The following EXT1 variants were observed in gnomAD, a reference collection of about 807,000 sequenced individuals.
EXT1 encodes exostosin-1.
Under a neutral mutation model 82.5 loss-of-function variants are expected in EXT1, and 20 were observed. The observed-to-expected ratio is 0.24, with a 90% confidence interval of 0.17 to 0.35. The LOEUF (loss-of-function observed/expected upper bound fraction) is 0.35, where lower values mean the gene tolerates loss of function less well. Among genes scored for constraint, EXT1 ranks in the 10% least tolerant of loss-of-function variants. EXT1 has a pLI of 1.00. For synonymous variants in EXT1, 348 were observed against 350.8 expected (o/e 0.99, Z 0.09); for missense variants, 757 against 936.5 (o/e 0.81, Z 2.50).
intron 1 of EXT1, among the ~76,000 whole-genome samples, chr8:117,926,610 G>A (rs747068806): frequency 3.3e-5 from 5 of 152,262 alleles, no homozygotes; most frequent in Middle Eastern, 3.4e-3. Context: ...GCATTCGCTC[G>A]TAAGGGCAAT....
intron 7 of EXT1, among the ~76,000 whole-genome samples, chr8:117,814,011 C>CA (rs982831373): frequency 4.1e-5 from 5 of 122,704 alleles, no homozygotes; most frequent in East Asian, 2.3e-4. Context: ...GTCTCAAAAA[C>CA]AAAAAAAGAG....
chr8:117,888,150 T>C (rs1786665996), intron 1 of EXT1, among the ~76,000 whole-genome samples: 1 of 151,570 alleles, frequency 6.6e-6, no homozygotes, highest in Admixed American at 6.6e-5. Context: ...CTCAGACCAC[T>C]AATTTTTAAG....
At chr8:117,841,067 C>A (rs1812267425) in intron 1 of EXT1, among the ~76,000 whole-genome samples, 1 of 152,198 alleles carries the variant, frequency 6.6e-6, no homozygotes, top group South Asian at 2.1e-4. Flanking sequence ...CACTCTTGGG[C>A]ATGTATCCCA....
chr8:117,977,975 T>TCAAAGAAAAGAATTCCTGAC, intron 1 of EXT1, among the ~76,000 whole-genome samples: 1 of 152,346 alleles, frequency 6.6e-6, no homozygotes, highest in East Asian at 1.9e-4. Context: ...AGGTTTCATT[T>TCAAAGAAAAGAATTCCTGAC]CAAAGAAAAG....
At chr8:118,014,701 A>T (rs1410673902) in intron 1 of EXT1, among the ~76,000 whole-genome samples, 1 of 152,100 alleles carries the variant, frequency 6.6e-6, no homozygotes, top group East Asian at 1.9e-4. Flanking sequence ...CAGCCCCGAA[A>T]GTGCTGGGAT....
chr8:117,894,998 T>C (rs540279498), intron 1 of EXT1, among the ~76,000 whole-genome samples: 1 of 152,338 alleles, frequency 6.6e-6, no homozygotes, highest in African/African-American at 2.4e-5. Flanking sequence ...AAGCATCAAC[T>C]GGCAAATACA....
chr8:117,846,038 A>G (rs1332992660), intron 1 of EXT1, among the ~76,000 whole-genome samples: 3 of 152,330 alleles, frequency 2.0e-5, no homozygotes, highest in Admixed American at 6.5e-5. Context: ...GACATTTAAT[A>G]CATCGTGCCC....
At chr8:118,028,903 CA>C (rs1257800949) in intron 1 of EXT1, among the ~76,000 whole-genome samples, 2 of 151,924 alleles carry the variant, frequency 1.3e-5, no homozygotes, top group African/African-American at 2.4e-5. Context: ...GCCTGAGCAA[CA>C]AGAGCGAAAT....
chr8:117,849,122 C>T (rs1009164781), intron 1 of EXT1, among the ~76,000 whole-genome samples: 3 of 152,174 alleles, frequency 2.0e-5, no homozygotes, highest in Non-Finnish European at 4.4e-5. Flanking sequence ...AATTCTTCTC[C>T]AGGATGTCTC....
intron 1 of EXT1, among the ~76,000 whole-genome samples, chr8:117,991,655 G>A (rs141560308): frequency 0.027 from 4,138 of 152,098 alleles, 200 homozygotes; most frequent in African/African-American, 0.09. Flanking sequence ...TCCACCTCCC[G>A]GGCTCAAGTG....
At chr8:117,994,700 A>G (rs1221908479) in intron 1 of EXT1, among the ~76,000 whole-genome samples, 1 of 152,186 alleles carries the variant, frequency 6.6e-6, no homozygotes, top group African/African-American at 2.4e-5. Context: ...TGGGGCAACA[A>G]GCTGTTTTAG....
At chr8:117,966,641 T>G (rs1814817310) in intron 1 of EXT1, among the ~76,000 whole-genome samples, 1 of 152,176 alleles carries the variant, frequency 6.6e-6, no homozygotes, top group Non-Finnish European at 1.5e-5. Flanking sequence ...TTTATTCTGT[T>G]CTGCATTTCA....
At chr8:117,805,695 T>C (rs761322551) in intron 9 of EXT1, among the ~76,000 whole-genome samples, 8 of 152,194 alleles carry the variant, frequency 5.3e-5, no homozygotes, top group Non-Finnish European at 8.8e-5. Context: ...ATCCCTGAGA[T>C]AGCAAAATTC....
At chr8:117,911,173 T>C (rs1813640665) in intron 1 of EXT1, among the ~76,000 whole-genome samples, 1 of 152,188 alleles carries the variant, frequency 6.6e-6, no homozygotes, top group East Asian at 1.9e-4. Context: ...GCAAGTTCTT[T>C]AGTGTTATTA....
intron 1 of EXT1, among the ~76,000 whole-genome samples, chr8:118,053,480 T>C (rs766597206): frequency 3.9e-5 from 6 of 152,190 alleles, no homozygotes; most frequent in Non-Finnish European, 8.8e-5. Flanking sequence ...ACAAAGTACA[T>C]TTTCCACATT....
At chr8:118,076,022 A>T (rs1817202364) in intron 1 of EXT1, among the ~76,000 whole-genome samples, 2 of 152,246 alleles carry the variant, frequency 1.3e-5, no homozygotes, top group Non-Finnish European at 2.9e-5. Flanking sequence ...ATACATGGTT[A>T]TGCTTTGGAT....
intron 3 of EXT1, among the ~76,000 whole-genome samples, chr8:117,830,687 T>C (rs930867880): frequency 4.6e-5 from 7 of 152,204 alleles, no homozygotes; most frequent in Non-Finnish European, 7.3e-5. Flanking sequence ...CCAAATTTTA[T>C]AGAGGGGTAA....
intron 1 of EXT1, among the ~76,000 whole-genome samples, chr8:117,985,222 C>T (rs1815293051): frequency 6.6e-6 from 1 of 152,214 alleles, no homozygotes; most frequent in Non-Finnish European, 1.5e-5. Flanking sequence ...ACTCACCAAG[C>T]CTGTGCTGCT....
At position 118,110,224 on chromosome 8, in the gene EXT1, T is replaced by A. The variant is rs778280138; in HGVS notation, c.823A>T (p.Ile275Leu). 6.2e-7 allele frequency: 1 copy of A among 1,614,092 alleles called. No individual in the cohort carries two copies. The highest frequency in any genetic ancestry group is 1.3e-5 in the African/African-American group (1 of 74,928). ...VFKGKRYLTG[I>L]GSDTRNALYH... ...AAGGCATTCCTGGTGTCTGATCCTA[T>A]CCCTGTCAGGTACCTCTTCCCCTTG... is the stretch of plus-strand genomic sequence containing the variant. The change falls in exon 1 of 11, where the codon ATA (isoleucine) becomes TTA (leucine). Residue 275 changes from isoleucine to leucine, a missense_variant. Physicochemically the swap from Ile to Leu is conservative, Grantham distance 5. Transcript: ENST00000378204.
Sources: gnomAD v4.1 joint callset for allele counts (sites outside exome capture counted in the v4.1 genomes callset) on GRCh38, gnomAD v4.1.1 for gene constraint, MANE v1.5 for transcripts, NCBI Gene and HGNC (gene_info 2026-07-23, HGNC 2026-07-21) for gene names.